AUTS2: variants seen among roughly 807,000 people sequenced by gnomAD.
The protein encoded by AUTS2 is autism susceptibility gene 2 protein.
AUTS2 carries 17 observed loss-of-function variants against 112.4 expected under a neutral mutation model. The ratio of observed to expected loss-of-function variants is 0.15; its 90% CI spans 0.10 to 0.23. The LOEUF (loss-of-function observed/expected upper bound fraction) is 0.23, where lower values mean the gene tolerates loss of function less well. Among genes scored for constraint, AUTS2 ranks in the 10% least tolerant of loss-of-function variants. AUTS2 has a pLI of 1.00. For synonymous variants in AUTS2, 751 were observed against 702.7 expected (o/e 1.07, Z -1.09); for missense variants, 1,510 against 1,701.6 (o/e 0.89, Z 1.98).
At chr7:70,577,087 G>GA (rs998819692) in intron 5 of AUTS2, among the ~76,000 whole-genome samples, 1 of 152,276 alleles carries the variant, frequency 6.6e-6, no homozygotes, top group African/African-American at 2.4e-5. Flanking sequence ...TGAATGAGTA[G>GA]AAAAAAATAT....
chr7:70,751,794 C>A (rs757054913), intron 6 of AUTS2, among the ~76,000 whole-genome samples: 2 of 152,116 alleles, frequency 1.3e-5, no homozygotes, highest in Non-Finnish European at 2.9e-5. Context: ...GATCTCGGCT[C>A]ACTGCAACCT....
intron 4 of AUTS2, among the ~76,000 whole-genome samples, chr7:70,430,905 G>A (rs1246280995): frequency 2.1e-5 from 3 of 141,498 alleles, no homozygotes; most frequent in Non-Finnish European, 3.0e-5. Context: ...GCGGGATCTC[G>A]GCTCACTGCA....
At chr7:70,132,600 G>T (rs999471074) in intron 3 of AUTS2, among the ~76,000 whole-genome samples, 1 of 152,160 alleles carries the variant, frequency 6.6e-6, no homozygotes, top group African/African-American at 2.4e-5. Flanking sequence ...CCCTCATTCA[G>T]TCAGACCTGC....
intron 4 of AUTS2, among the ~76,000 whole-genome samples, chr7:70,223,218 T>C (rs1401317175): frequency 6.6e-6 from 1 of 152,148 alleles, no homozygotes; most frequent in Non-Finnish European, 1.5e-5. Flanking sequence ...AGATCATCCT[T>C]ATTTAACAAT....
chr7:70,391,695 AT>A (rs150399635), intron 4 of AUTS2, among the ~76,000 whole-genome samples: 2,172 of 152,252 alleles, frequency 0.014, 62 homozygotes, highest in African/African-American at 0.05. Context: ...AAATAAAAAA[AT>A]AAAAAGCAGC....
chr7:70,390,365 A>G (rs997844290), intron 4 of AUTS2, among the ~76,000 whole-genome samples: 4 of 152,144 alleles, frequency 2.6e-5, no homozygotes, highest in African/African-American at 7.2e-5. Context: ...CTGCCTGTAC[A>G]AGGACAACAC....
At chr7:69,841,192 G>A (rs943932421) in intron 1 of AUTS2, among the ~76,000 whole-genome samples, 1 of 152,164 alleles carries the variant, frequency 6.6e-6, no homozygotes, top group African/African-American at 2.4e-5. Flanking sequence ...TGGCTATAGA[G>A]AAATGACTGA....
chr7:69,850,020 C>T (rs150331186), intron 1 of AUTS2, among the ~76,000 whole-genome samples: 6,036 of 151,986 alleles, frequency 0.04, 179 homozygotes, highest in Non-Finnish European at 0.063. Context: ...CTTGGCTGGG[C>T]GCGGTGGCTC....
intron 2 of AUTS2, among the ~76,000 whole-genome samples, chr7:70,087,087 A>C (rs1803646809): frequency 6.6e-6 from 1 of 152,012 alleles, no homozygotes; most frequent in Non-Finnish European, 1.5e-5. Flanking sequence ...TCCATTATTT[A>C]TGATGTTAGC....
intron 3 of AUTS2, among the ~76,000 whole-genome samples, chr7:70,126,566 A>AG (rs1365030424): frequency 3.9e-5 from 6 of 152,188 alleles, no homozygotes; most frequent in Non-Finnish European, 5.9e-5. Context: ...GGAAGAGTTA[A>AG]GGGGAATAAT....
intron 4 of AUTS2, among the ~76,000 whole-genome samples, chr7:70,284,120 A>C (rs13229211): frequency 3.1e-4 from 47 of 152,316 alleles, no homozygotes; most frequent in African/African-American, 1.1e-3. Flanking sequence ...AGTACATATA[A>C]CAATACTGGA....
In AUTS2 at chr7:70,465,158, A is replaced by T. The variant is rs529704986; in HGVS notation, c.690+29377A>T. On this transcript the variant is annotated intron_variant, in intron 5 of 18. Coordinates refer to ENST00000342771, the MANE Select transcript of AUTS2 (RefSeq NM_015570.4). The stretch of plus-strand genomic sequence containing the variant: ...TGGTCCTGGAACTTTGAGAGGAAAA[A>T]CACCAGAAGGACTTGGCCTCAGGAA... Among the ~76,000 whole-genome samples, 24 of 152,256 alleles carry T rather than the reference A, an allele frequency of 1.6e-4. No individual in the cohort carries two copies. In the East Asian group the frequency reaches 2.7e-3, roughly 17 times the overall value.
intron 1 of AUTS2, among the ~76,000 whole-genome samples, chr7:69,694,842 A>G (rs1438283674): frequency 6.6e-6 from 1 of 152,212 alleles, no homozygotes; most frequent in Non-Finnish European, 1.5e-5. Context: ...GAGAGATAAA[A>G]TTACTTTTTC....
In AUTS2 at chr7:70,570,477, C is replaced by T. The variant is rs575750743; in HGVS notation, c.691-128092C>T. Among the ~76,000 whole-genome samples, 7 of 152,284 alleles carry T rather than the reference C, an allele frequency of 4.6e-5. No homozygotes were observed. In the South Asian group the frequency reaches 1.0e-3, roughly 23 times the overall value. On this transcript the variant is annotated intron_variant, in intron 5 of 18. Transcript: ENST00000342771. ...CTTGCTGTTTCAGAATCGACACAAA[C>T]GACCAAACCTTCAATCTCATCTTTA...
At chr7:70,727,700 A>G (rs1413628742) in intron 6 of AUTS2, among the ~76,000 whole-genome samples, 2 of 152,182 alleles carry the variant, frequency 1.3e-5, no homozygotes, top group Non-Finnish European at 2.9e-5. Context: ...CTTAAGATAA[A>G]AAGACTTTCT....
rs2129581078 is a variant in AUTS2 at position 70,182,797 on chromosome 7, A to G, written c.660+48226A>G. ...CAGATTCTTCATAAAAAAAAAAAAA[A>G]GACCATATTCTCACCTTAGTAGGAT... On this transcript the variant is annotated intron_variant, in intron 4 of 18. Transcript: ENST00000342771. Among the ~76,000 whole-genome samples, 3 of 152,064 alleles carry G rather than the reference A, an allele frequency of 2.0e-5. No homozygotes were observed. The East Asian group carries it at 5.8e-4, about 29-fold the overall frequency.
At chr7:69,658,172 C>T (rs1423165292) in intron 1 of AUTS2, among the ~76,000 whole-genome samples, 1 of 152,258 alleles carries the variant, frequency 6.6e-6, no homozygotes, top group African/African-American at 2.4e-5. Context: ...TTTTGCACTA[C>T]AACAGCAGAA....
At chr7:69,819,418 C>T (rs554587985) in intron 1 of AUTS2, among the ~76,000 whole-genome samples, 4 of 152,276 alleles carry the variant, frequency 2.6e-5, no homozygotes, top group African/African-American at 7.2e-5. Flanking sequence ...CTTCAGCAGT[C>T]CTCTAAACAT....
chr7:69,768,595 T>C (rs117794454), intron 1 of AUTS2, among the ~76,000 whole-genome samples: 1,637 of 152,162 alleles, frequency 0.011, 14 homozygotes, highest in Middle Eastern at 0.027. Flanking sequence ...AGGAAAACCT[T>C]GTGGGGGTAA....
Sources: allele counts gnomAD v4.1 joint callset (sites outside exome capture counted in the v4.1 genomes callset), GRCh38; gene constraint gnomAD v4.1.1; transcripts MANE v1.5; gene names NCBI Gene and HGNC (gene_info 2026-07-23, HGNC 2026-07-21).